Variants in TMEM116 observed in about 807,000 individuals in gnomAD.
TMEM116 encodes the protein transmembrane protein 116.
In TMEM116, 38 loss-of-function variants were observed where a neutral mutation model predicts 44.3. The observed-to-expected ratio is 0.86, with a 90% CI of 0.66 to 1.12. The LOEUF is 1.12. Among genes scored for constraint, TMEM116 ranks in the 50% most tolerant of loss-of-function variants. The pLI is 0.00. For synonymous variants in TMEM116, 132 were observed against 144.8 expected (o/e 0.91, Z 0.64); for missense variants, 354 against 401.7 (o/e 0.88, Z 1.01).
At chr12:111,967,073 C>G (rs2075027165) in intron 4 of TMEM116, among the ~76,000 whole-genome samples, 2 of 152,096 alleles carry the variant, frequency 1.3e-5, no homozygotes, top group African/African-American at 2.4e-5. Context: ...TCAGAGAAAT[C>G]CATAAAAACA....
chr12:111,985,526 A>G (rs1298838977), intron 4 of TMEM116, among the ~76,000 whole-genome samples: 1 of 152,248 alleles, frequency 6.6e-6, no homozygotes, highest in African/African-American at 2.4e-5. Context: ...TTGCTAAAAG[A>G]AATTAGAGAA....
intron 4 of TMEM116, among the ~76,000 whole-genome samples, chr12:111,986,308 A>G (rs2076226105): frequency 6.6e-6 from 1 of 152,146 alleles, no homozygotes; most frequent in Non-Finnish European, 1.5e-5. Context: ...GCAGTGAGCC[A>G]CGATCATGCC....
At chr12:111,943,767 C>A (rs966406151) in intron 4 of TMEM116, among the ~76,000 whole-genome samples, 1 of 152,048 alleles carries the variant, frequency 6.6e-6, no homozygotes, top group African/African-American at 2.4e-5. Flanking sequence ...GAACTCCTGA[C>A]CTCAGGTGAT....
At chr12:111,955,574 G>A (rs1244865692) in intron 4 of TMEM116, among the ~76,000 whole-genome samples, 1 of 152,180 alleles carries the variant, frequency 6.6e-6, no homozygotes, top group Non-Finnish European at 1.5e-5. Flanking sequence ...TGATCCAAAT[G>A]TTATCCTGGC....
intron 4 of TMEM116, among the ~76,000 whole-genome samples, chr12:111,980,418 G>T (rs1162498982): frequency 6.6e-6 from 1 of 151,234 alleles, no homozygotes; most frequent in Non-Finnish European, 1.5e-5. Context: ...AAGGAAGAGT[G>T]TGCGAAAGAT....
rs553179003 is a variant in TMEM116, at chr12:111,964,440, C to CAA, written c.211-21073_211-21072dup. Among the ~76,000 whole-genome samples the CAA allele has an allele frequency of 1.9e-3, 116 of 62,138 alleles. 1 individual carries two copies. Among genetic ancestry groups the CAA allele is most frequent in the African/African-American group, 6.2e-3 (107 of 17,368 alleles). 40.8% of individuals were successfully genotyped at this position (62,138 alleles called of 152,430 possible). ...CTGGCAACAGACAGAGACTCCATCTCAAAAAAAAAAAAAAAAAGTAAATCA... is the reference window on the plus strand; with the variant it reads ...CTGGCAACAGACAGAGACTCCATCTCAAAAAAAAAAAAAAAAAAAGTAAATCA... On this transcript the variant is annotated intron_variant, in intron 4 of 10. Coordinates refer to ENST00000552374, the MANE Select transcript of TMEM116 (RefSeq NM_001193531.2).
Position 111,943,364 on chromosome 12 carries a change from GA to G in TMEM116, c.215del (p.Phe72SerfsTer20). 1 of 1,609,810 alleles carries G rather than the reference GA, an allele frequency of 6.2e-7. No homozygotes were observed. The highest frequency in any genetic ancestry group is 8.5e-7 in the Non-Finnish European group (1 of 1,176,264). ...CYNLQAVGQI[F>X]YISSFLYTVN... is the part of the protein sequence containing the mutation. ...CGGTGTAGAGAAATGAGGAAATGTA[GA>G]ATATCTAGGTTAAAATCAAAACAAC... On this transcript the variant is annotated frameshift_variant, in exon 5 of 11. Transcript: ENST00000552374. LOFTEE classifies it high-confidence loss of function.
chr12:111,957,478 C>A (rs2074219034), intron 4 of TMEM116, among the ~76,000 whole-genome samples: 1 of 151,862 alleles, frequency 6.6e-6, no homozygotes, highest in Admixed American at 6.6e-5. Flanking sequence ...CCGGCAGCCG[C>A]CCCGTCCAGG....
rs186942419 is a variant in TMEM116, at chr12:112,009,238, C to G, written c.-34+3764G>C. ...GATTGTAAGAGAGCACCTGACTACT[C>G]TAAATAAATCCACCACTCCTGGCCT... On this transcript the variant is annotated intron_variant, in intron 1 of 10. Transcript: ENST00000552374. 1.1e-3 allele frequency among the ~76,000 whole-genome samples: 174 copies of G among 152,248 alleles called. 1 individual carries two copies. The highest frequency in any genetic ancestry group is 5.2e-3 in the South Asian group (25 of 4,828).
At chr12:111,992,340 G>A (rs1404781000) in intron 3 of TMEM116, among the ~76,000 whole-genome samples, 1 of 151,732 alleles carries the variant, frequency 6.6e-6, no homozygotes, top group East Asian at 1.9e-4. Flanking sequence ...CACGATCTCG[G>A]CTCATTGCAA....
At chr12:111,973,813 A>G (rs1800583412) in intron 4 of TMEM116, among the ~76,000 whole-genome samples, 1 of 151,992 alleles carries the variant, frequency 6.6e-6, no homozygotes. Context: ...AATCCCAGCT[A>G]CTTGGGTGGC....
At chr12:111,993,415 T>C (rs2076734571) in intron 3 of TMEM116, 4 of 552,958 alleles carry the variant, frequency 7.2e-6, no homozygotes, top group Non-Finnish European at 1.5e-5. Context: ...TTTTATGAAG[T>C]CTTTAAAGTC....
At chr12:112,007,533 G>A (rs55652142) in intron 1 of TMEM116, among the ~76,000 whole-genome samples, 15 of 152,298 alleles carry the variant, frequency 9.8e-5, no homozygotes, top group Non-Finnish European at 2.1e-4. Flanking sequence ...TAATCACTTT[G>A]CTTAAATTGT....
At chr12:112,002,570 A>C (rs1024834075) in intron 3 of TMEM116, among the ~76,000 whole-genome samples, 5 of 151,658 alleles carry the variant, frequency 3.3e-5, no homozygotes, top group Admixed American at 2.0e-4. Context: ...ATCTCAAAAA[A>C]AAAAAAAAGA....
chr12:111,957,676 C>A (rs938519520), intron 4 of TMEM116, among the ~76,000 whole-genome samples: 3 of 151,224 alleles, frequency 2.0e-5, no homozygotes, highest in African/African-American at 7.3e-5. Context: ...TCTGCCTGGC[C>A]GCCGTCCCGT....
intron 4 of TMEM116, among the ~76,000 whole-genome samples, chr12:111,960,244 C>T (rs2074476080): frequency 6.6e-6 from 1 of 152,002 alleles, no homozygotes; most frequent in Non-Finnish European, 1.5e-5. Context: ...AATCCCAACA[C>T]TTTGGGAGGC....
chr12:111,940,531 A>ATATATATACACACATATATATGTGTG (rs1565874089), intron 5 of TMEM116, among the ~76,000 whole-genome samples: 3 of 116,654 alleles, frequency 2.6e-5, no homozygotes, highest in African/African-American at 1.4e-4. Context: ...GTGTATATAT[A>ATATATATACACACATATATATGTGTG]TATATATATA....
At chr12:111,967,635 A>G (rs954370956) in intron 4 of TMEM116, among the ~76,000 whole-genome samples, 1 of 152,154 alleles carries the variant, frequency 6.6e-6, no homozygotes, top group Non-Finnish European at 1.5e-5. Context: ...TTTGCACCTA[A>G]CAACTATAAT....
At chr12:112,012,259 C>T (rs1057233946) in intron 1 of TMEM116, 6 of 152,170 alleles carry the variant, frequency 3.9e-5, no homozygotes, top group African/African-American at 1.4e-4. Context: ...ATGGCTGAAT[C>T]TCTGTCTCTT....
Sources: gnomAD v4.1 joint callset for allele counts (sites outside exome capture counted in the v4.1 genomes callset) on GRCh38, gnomAD v4.1.1 for gene constraint, MANE v1.5 for transcripts, NCBI Gene and HGNC (gene_info 2026-07-23, HGNC 2026-07-21) for gene names.